The following THNSL1 variants were observed in gnomAD, a reference collection of about 807,000 sequenced individuals.
The protein encoded by THNSL1 is threonine synthase-like 1.
Under a neutral mutation model 50.4 loss-of-function variants are expected in THNSL1, and 48 were observed. That is an observed-to-expected ratio of 0.95 (90% CI 0.76 to 1.21). THNSL1 has a LOEUF of 1.21. Among genes scored for constraint, THNSL1 ranks in the 50% most tolerant of loss-of-function variants. The pLI is 0.00. For synonymous variants in THNSL1, 309 were observed against 306.1 expected, an observed-to-expected ratio of 1.01 and a Z score of -0.10; for missense variants, 896 against 871.7, an observed-to-expected ratio of 1.03 and a Z score of -0.35.
chr10:25,024,895 C>G lies in THNSL1; in HGVS notation c.1672C>G (p.Gln558Glu), dbSNP rs773568062. The change falls in exon 3 of 3, where the codon CAA becomes GAA. Residue 558 changes from glutamine (Q) to glutamate (E), a missense_variant. Physicochemically the swap from Gln to Glu is conservative, Grantham distance 29. Coordinates refer to ENST00000376356, the MANE Select transcript of THNSL1 (RefSeq NM_024838.5). ...TGATCTAAGGGAAAGAAAACTAGCA[C>G]AAACCTTTTCACCGTCAATAGATAT... Reference protein sequence around the residue: ...HYDLRERKLAQTFSPSIDILK... With the variant: ...HYDLRERKLAETFSPSIDILK... 1.1e-5 allele frequency: 18 copies of G among 1,613,774 alleles called. No homozygotes were observed. Among genetic ancestry groups the G allele is most frequent in the Non-Finnish European group, 1.5e-5 (18 of 1,180,024 alleles).
chr10:24,964,508 A>T, the THNSL1 span, among the ~76,000 whole-genome samples: 1 of 152,348 alleles, frequency 6.6e-6, no homozygotes, highest in South Asian at 2.1e-4. Context: ...GCAAAGCCAA[A>T]ATTAGAGACC....
At chr10:25,012,972 G>A (rs1343052509), upstream of THNSL1, among the ~76,000 whole-genome samples, 5 of 152,188 alleles carry the variant, frequency 3.3e-5, no homozygotes, top group Admixed American at 6.5e-5. Flanking sequence ...GGGATCTGGT[G>A]ATAGGTAATT....
the THNSL1 span, among the ~76,000 whole-genome samples, chr10:24,966,307 G>A: frequency 1.3e-5 from 2 of 152,222 alleles, no homozygotes; most frequent in Non-Finnish European, 2.9e-5. Context: ...TAATAATAAA[G>A]TGGCTAATAA....
At chr10:24,984,472 T>C in the THNSL1 span, 19 of 1,372,200 alleles carry the variant, frequency 1.4e-5, no homozygotes, top group East Asian at 4.1e-4. Context: ...TACATAATAA[T>C]AATGAATTAC....
rs921051254 is a variant in THNSL1 at position 25,026,611 on chromosome 10, T to A, written c.*1156T>A. Reference sequence around the variant, plus strand: ...AGTAATACATTTTAACCATGATTTATGTTTGTGAATTTACTGGATGTTTTC... The same window carrying A: ...AGTAATACATTTTAACCATGATTTAAGTTTGTGAATTTACTGGATGTTTTC... On this transcript the variant is annotated 3_prime_UTR_variant, in exon 3 of 3. Coordinates refer to ENST00000376356, the MANE Select transcript of THNSL1 (RefSeq NM_024838.5). 6.1e-6 allele frequency: 1 copy of A among 164,640 alleles called. No homozygotes were observed. Among genetic ancestry groups the A allele is most frequent in the Admixed American group, 6.5e-5 (1 of 15,290 alleles). The allele number at this position is 164,640 out of a possible 1,614,324, so 10.2% of individuals were successfully genotyped here. A position where few individuals can be genotyped will look rare whatever the true frequency, so the allele number is the denominator to read the frequency against.
the THNSL1 span, among the ~76,000 whole-genome samples, chr10:24,989,139 T>A: frequency 1.3e-5 from 2 of 152,180 alleles, no homozygotes; most frequent in African/African-American, 4.8e-5. Flanking sequence ...TGTAAAAACC[T>A]GGCTTTCACA....
the THNSL1 span, chr10:24,984,656 G>T: frequency 7.4e-7 from 1 of 1,345,922 alleles, no homozygotes. Flanking sequence ...TTTCCTTTTT[G>T]AAAAACTTGG....
chr10:24,998,556 A>AT, the THNSL1 span, among the ~76,000 whole-genome samples: 1 of 151,556 alleles, frequency 6.6e-6, no homozygotes, highest in African/African-American at 2.4e-5. Flanking sequence ...TTTTATTTTA[A>AT]TTTTTTTGTA....
At chr10:24,965,544 T>G in the THNSL1 span, among the ~76,000 whole-genome samples, 1 of 152,248 alleles carries the variant, frequency 6.6e-6, no homozygotes, top group Non-Finnish European at 1.5e-5. Flanking sequence ...TTCCAAGTGC[T>G]TAGATGTCTA....
the THNSL1 span, among the ~76,000 whole-genome samples, chr10:25,003,359 G>A: frequency 8.6e-5 from 13 of 151,920 alleles, no homozygotes; most frequent in East Asian, 1.9e-4. Flanking sequence ...GGCATGCACC[G>A]CCATGCCTGG....
the THNSL1 span, among the ~76,000 whole-genome samples, chr10:24,987,643 G>C: frequency 6.6e-6 from 1 of 152,104 alleles, no homozygotes; most frequent in African/African-American, 2.4e-5. Flanking sequence ...AGCTGAGTGT[G>C]CCTTCGATTT....
At chr10:24,970,352 ACT>A in the THNSL1 span, among the ~76,000 whole-genome samples, 1 of 152,150 alleles carries the variant, frequency 6.6e-6, no homozygotes, top group Non-Finnish European at 1.5e-5. Flanking sequence ...ATATTTACAC[ACT>A]CTTTTAAATA....
At chr10:24,993,554 G>T in the THNSL1 span, among the ~76,000 whole-genome samples, 2 of 152,156 alleles carry the variant, frequency 1.3e-5, no homozygotes, top group Non-Finnish European at 2.9e-5. Context: ...GCTGAAATGG[G>T]AGTTCACTCA....
rs1407212251 is a variant in THNSL1 at position 25,017,007 on chromosome 10, C to T, written c.-216+315C>T. Among the ~76,000 whole-genome samples, 3 of 152,196 alleles carry T rather than the reference C, an allele frequency of 2.0e-5. No homozygotes were observed. In the East Asian group the frequency reaches 5.8e-4, roughly 29 times the overall value. ...GCACGGGGCCCGCGGCCTCCTCCGCCTGCTGCGCTCGCCCTCCCGCCCCTG... is the reference window on the plus strand; with the variant it reads ...GCACGGGGCCCGCGGCCTCCTCCGCTTGCTGCGCTCGCCCTCCCGCCCCTG... On this transcript the variant is annotated intron_variant, in intron 1 of 2. Coordinates refer to ENST00000376356, the MANE Select transcript of THNSL1 (RefSeq NM_024838.5).
chr10:24,990,541 A>G, the THNSL1 span: 11 of 1,613,956 alleles, frequency 6.8e-6, no homozygotes, highest in South Asian at 1.1e-5. Context: ...TATAACGATC[A>G]TAGTCTTCTT....
chr10:24,986,591 C>T, the THNSL1 span, among the ~76,000 whole-genome samples: 9 of 152,196 alleles, frequency 5.9e-5, no homozygotes, highest in South Asian at 6.2e-4. Flanking sequence ...TGTACATTTG[C>T]GGATATCAAA....
Position 25,023,972 on chromosome 10 carries a change from T to A in THNSL1, c.749T>A (p.Phe250Tyr). Reference protein sequence around the residue: ...EDCEQKVSAKFFSEAVIEGLA... With the variant: ...EDCEQKVSAKYFSEAVIEGLA... ...TGTGAACAGAAGGTTTCAGCAAAAT[T>A]CTTTAGTGAAGCTGTAATTGAGGGG... Residue 250 changes from phenylalanine (F) to tyrosine (Y), a missense_variant, in exon 3 of 3, where the codon TTC (phenylalanine) becomes TAC (tyrosine). Phe to Tyr is a conservative substitution (Grantham distance 22). Transcript: ENST00000376356. 6.2e-7 allele frequency: 1 copy of A among 1,614,172 alleles called. No homozygotes were observed. The highest frequency in any genetic ancestry group is 8.5e-7 in the Non-Finnish European group (1 of 1,180,012).
chr10:25,013,478 G>A (rs1189860813), upstream of THNSL1, among the ~76,000 whole-genome samples: 3 of 152,234 alleles, frequency 2.0e-5, no homozygotes. Flanking sequence ...AGTTGGACAT[G>A]ACTGTCAAAA....
At chr10:24,986,797 G>T in the THNSL1 span, among the ~76,000 whole-genome samples, 1,407 of 152,220 alleles carry the variant, frequency 9.2e-3, 23 homozygotes, top group African/African-American at 0.031. Context: ...AATACGCTAC[G>T]TGCTGACTTT....
Sources: allele counts gnomAD v4.1 joint callset (sites outside exome capture counted in the v4.1 genomes callset), GRCh38; gene constraint gnomAD v4.1.1; transcripts MANE v1.5; gene names NCBI Gene and HGNC (gene_info 2026-07-23, HGNC 2026-07-21).